Variants in SETBP1 observed in about 807,000 individuals in gnomAD.
SETBP1 encodes the protein SET-binding protein.
In SETBP1, 9 loss-of-function variants were observed where a neutral mutation model predicts 101.0. That is an observed-to-expected ratio of 0.09 (90% CI 0.05 to 0.16). The LOEUF (loss-of-function observed/expected upper bound fraction) is 0.16, where lower values mean the gene tolerates loss of function less well. Ranked by LOEUF, SETBP1 falls within the 10% of genes least tolerant of loss-of-function variation. The pLI, the probability that SETBP1 is intolerant of heterozygous loss-of-function variation, is 1.00. For missense variants in SETBP1, 1,858 were observed against 2,033.8 expected (o/e 0.91, Z 1.66); for synonymous variants, 818 against 788.5 (o/e 1.04, Z -0.63).
At chr18:44,867,052 G>T (rs1418386899) in intron 2 of SETBP1, among the ~76,000 whole-genome samples, 2 of 152,200 alleles carry the variant, frequency 1.3e-5, no homozygotes, top group Non-Finnish European at 2.9e-5. Context: ...TATAGTTGGG[G>T]ATTTAAATCC....
intron 4 of SETBP1, among the ~76,000 whole-genome samples, chr18:44,960,105 C>T (rs1266364769): frequency 1.3e-5 from 2 of 152,014 alleles, no homozygotes; most frequent in African/African-American, 4.8e-5. Flanking sequence ...CCATGTTGGC[C>T]GGGCTTGTCT....
chr18:44,804,319 G>A (rs1179114944), intron 2 of SETBP1, among the ~76,000 whole-genome samples: 2 of 152,254 alleles, frequency 1.3e-5, no homozygotes, highest in Non-Finnish European at 2.9e-5. Flanking sequence ...TGACCAAAAT[G>A]TTATGTATTC....
intron 2 of SETBP1, among the ~76,000 whole-genome samples, chr18:44,727,798 T>A (rs2069747901): frequency 6.6e-6 from 1 of 152,214 alleles, no homozygotes; most frequent in South Asian, 2.1e-4. Flanking sequence ...AGATGCTGCT[T>A]CCCTTGTTGG....
At chr18:44,964,564 A>T (rs531848086) in intron 4 of SETBP1, among the ~76,000 whole-genome samples, 1 of 151,472 alleles carries the variant, frequency 6.6e-6, no homozygotes, top group Admixed American at 6.6e-5. Flanking sequence ...TATAACATGG[A>T]ATTATTTGAA....
intron 4 of SETBP1, among the ~76,000 whole-genome samples, chr18:45,029,106 T>C (rs1382194587): frequency 6.6e-6 from 1 of 152,246 alleles, no homozygotes; most frequent in Non-Finnish European, 1.5e-5. Flanking sequence ...TCCTGAGTGG[T>C]AATGCCTAGG....
intron 2 of SETBP1, among the ~76,000 whole-genome samples, chr18:44,711,704 A>T (rs1223857392): frequency 1.4e-4 from 18 of 125,624 alleles, no homozygotes; most frequent in South Asian, 2.6e-4. Flanking sequence ...TTATCTTTAA[A>T]TTTTTTTTTT....
At chr18:44,894,728 G>C (rs902887699) in intron 3 of SETBP1, among the ~76,000 whole-genome samples, 1 of 151,758 alleles carries the variant, frequency 6.6e-6, no homozygotes, top group Non-Finnish European at 1.5e-5. Flanking sequence ...TAGGAATGAG[G>C]CAAGTACAGT....
intron 2 of SETBP1, among the ~76,000 whole-genome samples, chr18:44,717,325 G>A (rs1410814739): frequency 1.3e-5 from 2 of 152,250 alleles, no homozygotes; most frequent in African/African-American, 4.8e-5. Context: ...CCAGGGAAAC[G>A]AGAGAGACAG....
chr18:44,979,954 G>T (rs563968444), intron 4 of SETBP1, among the ~76,000 whole-genome samples: 1 of 152,294 alleles, frequency 6.6e-6, no homozygotes, highest in Admixed American at 6.5e-5. Flanking sequence ...TGTAAATTTG[G>T]AGGTATGGAA....
intron 4 of SETBP1, among the ~76,000 whole-genome samples, chr18:45,032,549 A>C (rs954344142): frequency 1.3e-5 from 2 of 152,200 alleles, no homozygotes; most frequent in Admixed American, 1.3e-4. Context: ...AGAATGAAGT[A>C]AAACTTATTT....
chr18:44,981,548 A>G (rs2072112728), intron 4 of SETBP1, among the ~76,000 whole-genome samples: 1 of 152,234 alleles, frequency 6.6e-6, no homozygotes, highest in Non-Finnish European at 1.5e-5. Context: ...CACAATATAG[A>G]GTTGTTTTAG....
chr18:44,993,784 A>T (rs186282581), intron 4 of SETBP1, among the ~76,000 whole-genome samples: 2 of 152,208 alleles, frequency 1.3e-5, no homozygotes, highest in East Asian at 3.9e-4. Context: ...AAAAGCCTAC[A>T]TGAAAGTTAT....
At chr18:44,882,807 T>C (rs2069560277) in intron 3 of SETBP1, among the ~76,000 whole-genome samples, 1 of 152,160 alleles carries the variant, frequency 6.6e-6, no homozygotes, top group Non-Finnish European at 1.5e-5. Flanking sequence ...AGATCATTTA[T>C]TCTAGGCGGG....
At chr18:44,877,726 A>G (rs2069441302) in intron 3 of SETBP1, among the ~76,000 whole-genome samples, 1 of 152,162 alleles carries the variant, frequency 6.6e-6, no homozygotes, top group Admixed American at 6.5e-5. Context: ...CCACAAGTAT[A>G]CATTTTTTGA....
chr18:44,945,479 T>G (rs943883774), intron 3 of SETBP1, among the ~76,000 whole-genome samples: 1 of 152,200 alleles, frequency 6.6e-6, no homozygotes, highest in African/African-American at 2.4e-5. Context: ...CGACCTAGGC[T>G]CAATGTACAT....
At chr18:45,005,505 G>C (rs993454387) in intron 4 of SETBP1, among the ~76,000 whole-genome samples, 2 of 152,162 alleles carry the variant, frequency 1.3e-5, no homozygotes, top group African/African-American at 2.4e-5. Flanking sequence ...CAGGGAAAGA[G>C]CTGCAGACTC....
At chr18:44,924,940 G>A (rs762572648) in intron 3 of SETBP1, among the ~76,000 whole-genome samples, 10 of 151,212 alleles carry the variant, frequency 6.6e-5, no homozygotes, top group East Asian at 1.9e-4. Flanking sequence ...CAGGATAGGC[G>A]TGTCCAGCTT....
At chr18:44,987,349 C>A (rs2072263704) in intron 4 of SETBP1, 1 of 152,206 alleles carries the variant, frequency 6.6e-6, no homozygotes, top group South Asian at 2.1e-4. Context: ...GCATAAAACA[C>A]AGAGACTCAT....
intron 2 of SETBP1, among the ~76,000 whole-genome samples, chr18:44,714,199 A>G (rs1261892317): frequency 6.6e-6 from 1 of 151,852 alleles, no homozygotes; most frequent in Non-Finnish European, 1.5e-5. Flanking sequence ...AGTTCTTCTT[A>G]GGTCTCCTTT....
Sources: gnomAD v4.1 joint callset for allele counts (sites outside exome capture counted in the v4.1 genomes callset) on GRCh38, gnomAD v4.1.1 for gene constraint, MANE v1.5 for transcripts, NCBI Gene and HGNC (gene_info 2026-07-23, HGNC 2026-07-21) for gene names.